Variants in TRIM66 observed in about 807,000 individuals in gnomAD.
The protein encoded by TRIM66 is tripartite motif-containing protein 66.
TRIM66 carries 99 observed loss-of-function variants against 148.2 expected under a neutral mutation model. That is an observed-to-expected ratio of 0.67 (90% confidence interval 0.57 to 0.79). TRIM66 has a LOEUF of 0.79. Among genes scored for constraint, TRIM66 ranks in the 30% least tolerant of loss-of-function variants. The probability of loss-of-function intolerance (pLI) is 0.00; values close to 1 mark genes in which losing one functional copy is unlikely to be tolerated. For missense variants in TRIM66, 1,666 were observed against 1,697.9 expected (o/e 0.98, Z 0.33); for synonymous variants, 616 against 635.9 (o/e 0.97, Z 0.47).
At chr11:8,664,763 G>A (rs1027046365) in intron 6 of TRIM66, among the ~76,000 whole-genome samples, 6 of 152,100 alleles carry the variant, frequency 3.9e-5, no homozygotes, top group Non-Finnish European at 5.9e-5. Flanking sequence ...GTTGGGCTGC[G>A]GGGTTACAAA....
At chr11:8,620,683 G>A (rs1006114047) in intron 20 of TRIM66, 111 bp from the exon 21 acceptor site, 1 of 1,437,910 alleles carries the variant, frequency 7.0e-7, no homozygotes, top group South Asian at 1.5e-5. Context: ...GCTTTGCCGT[G>A]TAAGAAATGG....
intron 20 of TRIM66, 38 bp downstream of exon 20, chr11:8,620,994 T>A: frequency 1.3e-6 from 2 of 1,537,304 alleles, no homozygotes; most frequent in Non-Finnish European, 1.8e-6. Flanking sequence ...AAGGTAACCC[T>A]ACTAGCCAGG....
Position 8,618,006 on chromosome 11 carries a change from G to T in TRIM66, c.4120-3C>A, listed in dbSNP as rs1260288306. 1 of 1,551,458 alleles carries T rather than the reference G, an allele frequency of 6.4e-7. No individual in the cohort carries two copies. The highest frequency in any genetic ancestry group is 8.7e-7 in the Non-Finnish European group (1 of 1,146,860). On this transcript the variant is annotated splice_region_variant and splice_polypyrimidine_tract_variant and intron_variant, in intron 24 of 24. Coordinates refer to ENST00000646038, the MANE Select transcript of TRIM66 (RefSeq NM_001388022.1). ...ATTCTTTTTGCTCTTTCATTCTCCT[G>T]AAAGAAAAATATATATTTGGAATTA...
intron 8 of TRIM66, 142 bp downstream of exon 8, chr11:8,649,598 A>C: frequency 8.6e-7 from 1 of 1,169,414 alleles, no homozygotes. Context: ...TCTGAAGGAG[A>C]CTTCCTTTGG....
rs372576502 is a variant in TRIM66 at position 8,655,070 on chromosome 11, G to A, written c.341-3167C>T. Among the ~76,000 whole-genome samples, 26 of 152,050 alleles carry A rather than the reference G, an allele frequency of 1.7e-4. 1 individual carries two copies. In the East Asian group the frequency reaches 5.0e-3, roughly 29 times the overall value. ...AGACAGGGTTTCACCATGTTGGCCA[G>A]GCTGATCTCGAACTCCTGACCTCAA... is the stretch of plus-strand genomic sequence containing the variant. On this transcript the variant is annotated intron_variant, in intron 6 of 24. Transcript: ENST00000646038.
chr11:8,618,590 T>C (rs1782999629), intron 24 of TRIM66, 160 bp downstream of exon 24: 1 of 671,202 alleles, frequency 1.5e-6, no homozygotes. Flanking sequence ...GGCCCTGTAC[T>C]GCCCTGCCTT....
At position 8,614,411 on chromosome 11, in the gene TRIM66, A is replaced by C. The variant is rs2033594852; in HGVS notation, c.*3533T>G. 1 of 152,276 alleles carries C rather than the reference A, an allele frequency of 6.6e-6. No homozygotes were observed. Among genetic ancestry groups the C allele is most frequent in the Non-Finnish European group, 1.5e-5 (1 of 68,088 alleles). The allele number at this position is 152,276 out of a possible 1,614,324, so 9.4% of individuals were successfully genotyped here. A position where few individuals can be genotyped will look rare whatever the true frequency, so the allele number is the denominator to read the frequency against. ...GCATGAGAAAGTTCAGGATGCTGAC[A>C]AAAACATCAGTGTGTGATAGGCTCT... On this transcript the variant is annotated 3_prime_UTR_variant, in exon 25 of 25. Transcript: ENST00000646038.
At chr11:8,639,869 A>G (rs2036211026) in intron 14 of TRIM66, among the ~76,000 whole-genome samples, 1 of 152,120 alleles carries the variant, frequency 6.6e-6, no homozygotes, top group Non-Finnish European at 1.5e-5. Flanking sequence ...AGCTAGGGAG[A>G]TGACAAGATA....
intron 6 of TRIM66, among the ~76,000 whole-genome samples, chr11:8,664,353 C>A (rs1200315131): frequency 6.6e-6 from 1 of 152,128 alleles, no homozygotes. Context: ...CATGGACTCT[C>A]CTCATCAGTT....
At chr11:8,658,729 A>T (rs2038044916) in intron 6 of TRIM66, 1 of 980,348 alleles carries the variant, frequency 1.0e-6, no homozygotes, top group South Asian at 4.7e-5. Flanking sequence ...CCAGGCACAC[A>T]CTCTCACCGC....
chr11:8,619,811 C>A (rs1168252057), intron 22 of TRIM66, among the ~76,000 whole-genome samples: 1 of 152,168 alleles, frequency 6.6e-6, no homozygotes, highest in African/African-American at 2.4e-5. Flanking sequence ...CCTGGACTAT[C>A]CATAAGTTAA....
At chr11:8,664,498 T>G (rs2038465508) in intron 6 of TRIM66, among the ~76,000 whole-genome samples, 1 of 152,174 alleles carries the variant, frequency 6.6e-6, no homozygotes, top group African/African-American at 2.4e-5. Context: ...AATATCCCAA[T>G]CCTCATATTT....
chr11:8,664,818 G>C (rs2038487594), intron 6 of TRIM66, among the ~76,000 whole-genome samples: 1 of 152,142 alleles, frequency 6.6e-6, no homozygotes, highest in Non-Finnish European at 1.5e-5. Context: ...CCTACCTCAT[G>C]ACATCCCCTC....
intron 1 of TRIM66, among the ~76,000 whole-genome samples, chr11:8,680,516 G>A (rs1282543773): frequency 6.6e-6 from 1 of 152,096 alleles, no homozygotes; most frequent in African/African-American, 2.4e-5. Flanking sequence ...AAAAGGATAG[G>A]GTGACAGTGT....
rs142828770 is a variant in TRIM66, at chr11:8,636,447, A to G, written c.2310+2207T>C. Among the ~76,000 whole-genome samples, 47 of 152,278 alleles carry G rather than the reference A, an allele frequency of 3.1e-4. No individual in the cohort carries two copies. In the East Asian group the frequency reaches 8.9e-3, roughly 29 times the overall value. On this transcript the variant is annotated intron_variant, in intron 15 of 24. Transcript: ENST00000646038. ...GCTAGCTGCCTTCAGGTCATCTTCT[A>G]ATGTGTATTCCACAAAAGAATAGCA...
At chr11:8,619,967 G>C in intron 22 of TRIM66, 83 bp downstream of exon 22, 1 of 1,216,862 alleles carries the variant, frequency 8.2e-7, no homozygotes, top group Non-Finnish European at 1.2e-6. Flanking sequence ...TAGAAAAACA[G>C]GGGTTAGGGG....
rs1481129265 is a variant in TRIM66 at position 8,649,896 on chromosome 11, A to C, written c.445-9T>G. 5 of 1,550,016 alleles carry C rather than the reference A, an allele frequency of 3.2e-6. No individual in the cohort carries two copies. The highest frequency in any genetic ancestry group is 2.0e-5 in the Admixed American group (1 of 50,946). On this transcript the variant is annotated splice_polypyrimidine_tract_variant and intron_variant, in intron 7 of 24. Coordinates refer to ENST00000646038, the MANE Select transcript of TRIM66 (RefSeq NM_001388022.1). The stretch of plus-strand genomic sequence containing the variant: ...TTGCACTCAGAGCAGTTCTGGAAGC[A>C]GAGAGTTCTGGAGTTACTGATGTTA...
At chr11:8,619,583 G>T in intron 22 of TRIM66, 48 bp from the exon 23 acceptor site, 2 of 1,459,960 alleles carry the variant, frequency 1.4e-6, no homozygotes, top group Non-Finnish European at 1.8e-6. Flanking sequence ...AGTGAGAGAA[G>T]AAATGGAGGT....
intron 12 of TRIM66, among the ~76,000 whole-genome samples, chr11:8,645,498 G>A (rs986888940): frequency 2.0e-5 from 3 of 152,218 alleles, no homozygotes; most frequent in African/African-American, 7.2e-5. Context: ...CTACCTTTGG[G>A]AGGGCAGGAC....
Sources: gnomAD v4.1 joint callset for allele counts (sites outside exome capture counted in the v4.1 genomes callset) on GRCh38, gnomAD v4.1.1 for gene constraint, MANE v1.5 for transcripts, NCBI Gene and HGNC (gene_info 2026-07-23, HGNC 2026-07-21) for gene names.